FBN3: variants seen among roughly 807,000 people sequenced by gnomAD.
The protein encoded by FBN3 is fibrillin 3.
A neutral mutation model predicts 330.1 loss-of-function variants in FBN3; 234 were observed. That is an observed-to-expected ratio of 0.71 (90% confidence interval 0.64 to 0.79). The LOEUF (loss-of-function observed/expected upper bound fraction) is 0.79. Ranked by LOEUF, FBN3 falls within the 30% of genes least tolerant of loss-of-function variation. FBN3 has a pLI of 0.00. For synonymous variants in FBN3, 1,458 were observed against 1,517.3 expected (o/e 0.96, Z 0.91); for missense variants, 3,606 against 3,886.9 (o/e 0.93, Z 1.92).
At position 8,129,503 on chromosome 19, in the gene FBN3, A is replaced by G; in HGVS notation, c.2045-138T>C. ...ATAGCTCCAGCCCAGACCCGGCCTC[A>G]TTCTGCTCTAAACCGAGGTTTCTCA... On this transcript the variant is annotated intron_variant, in intron 16 of 63. Transcript: ENST00000600128. The surrounding 1 kb of genome is among the most constrained non-coding windows in gnomAD (Gnocchi z 4.5). The G allele has an allele frequency of 8.7e-7, 1 of 1,144,240 alleles. No individual in the cohort carries two copies. Among genetic ancestry groups the G allele is most frequent in the Non-Finnish European group, 1.2e-6 (1 of 813,096 alleles). The allele number at this position is 1,144,240 out of a possible 1,614,324, so 70.9% of individuals were successfully genotyped here. A position where few individuals can be genotyped will look rare whatever the true frequency, so the allele number is the denominator to read the frequency against.
intron 12 of FBN3, 42 bp downstream of exon 12, chr19:8,136,148 C>A: frequency 1.2e-6 from 2 of 1,612,010 alleles, no homozygotes; most frequent in Admixed American, 1.7e-5. Context: ...TGGGCCAGAA[C>A]CCCCAACAAC....
At position 8,109,488 on chromosome 19, in the gene FBN3, A is replaced by G; in HGVS notation, c.4457-100T>C. On this transcript the variant is annotated intron_variant, in intron 35 of 63. Coordinates refer to ENST00000600128, the MANE Select transcript of FBN3 (RefSeq NM_032447.5). This position sits in a 1 kb window ranked among gnomAD's most constrained non-coding sequence, Gnocchi z 5.2. ...ATTTCAACAGGTGACAAGGACAACC[A>G]CTCTTGCAGGAGACCAGCAGATGTC... 6.5e-7 allele frequency: 1 copy of G among 1,541,632 alleles called. No individual in the cohort carries two copies. Among genetic ancestry groups the G allele is most frequent in the Non-Finnish European group, 8.9e-7 (1 of 1,126,528 alleles).
intron 51 of FBN3, among the ~76,000 whole-genome samples, chr19:8,089,237 GTGAGTGAA>G (rs1321678002): frequency 2.6e-5 from 4 of 152,146 alleles, no homozygotes; most frequent in African/African-American, 7.2e-5. Context: ...GAGTAAATGA[GTGAGTGAA>G]TGAGTGAATG....
rs2082584209 is a variant in FBN3 at position 8,111,586 on chromosome 19, G to T, written c.4084+62C>A. 3 of 1,362,640 alleles carry T rather than the reference G, an allele frequency of 2.2e-6. No homozygotes were observed. In the African/African-American group the frequency reaches 4.3e-5, roughly 20 times the overall value. 84.4% of individuals were successfully genotyped at this position (1,362,640 alleles called of 1,614,324 possible). ...AGGTCGAGTGACCATGGCAGCCACC[G>T]TGAATTCAGCCCCCGTGGCTGTCCC... On this transcript the variant is annotated intron_variant, in intron 32 of 63. Coordinates refer to ENST00000600128, the MANE Select transcript of FBN3 (RefSeq NM_032447.5).
Position 8,129,961 on chromosome 19 carries a change from G to T in FBN3, c.2045-596C>A, listed in dbSNP as rs536966278. Among the ~76,000 whole-genome samples, 2 of 151,704 alleles carry T rather than the reference G, an allele frequency of 1.3e-5. No homozygotes were observed. The highest frequency in any genetic ancestry group is 4.8e-5 in the African/African-American group (2 of 41,304). ...CGCACAGGCTGGAGTGCAGTGGTGC[G>T]ATCTCGGCTCACTGCAACCTCCACC... On this transcript the variant is annotated intron_variant, in intron 16 of 63. Transcript: ENST00000600128. This position sits in a 1 kb window ranked among gnomAD's most constrained non-coding sequence, Gnocchi z 4.5.
chr19:8,139,393 G>T (rs551928572), intron 8 of FBN3, among the ~76,000 whole-genome samples: 9 of 152,186 alleles, frequency 5.9e-5, no homozygotes, highest in South Asian at 2.1e-4. Flanking sequence ...TATGGCCAAT[G>T]CTCGCTCAGT....
intron 8 of FBN3, 43 bp from the exon 9 acceptor site, chr19:8,138,607 G>T: frequency 1.3e-6 from 2 of 1,545,070 alleles, no homozygotes; most frequent in Non-Finnish European, 8.7e-7. Context: ...CAGGACATCA[G>T]TGACCAGACC....
chr19:8,135,936 G>GGGGGGGGGGGGGGCGCCCCC, intron 13 of FBN3, 25 bp downstream of exon 13: 3 of 668,776 alleles, frequency 4.5e-6, no homozygotes, highest in Non-Finnish European at 7.2e-6. Flanking sequence ...GGAAGCCCCT[G>GGGGGGGGGGGGGGCGCCCCC]CCCACCCGCC....
intron 62 of FBN3, 50 bp from the exon 63 acceptor site, chr19:8,072,248 A>G (rs749947578): frequency 6.8e-7 from 1 of 1,475,856 alleles, no homozygotes. Flanking sequence ...GGCTGATGGG[A>G]CCTCCCCAGC....
Position 8,121,914 on chromosome 19 carries a change from T to C in FBN3, c.3083-528A>G, listed in dbSNP as rs1236585142. On this transcript the variant is annotated intron_variant, in intron 24 of 63. Coordinates refer to ENST00000600128, the MANE Select transcript of FBN3 (RefSeq NM_032447.5). The surrounding 1 kb of genome is among the most constrained non-coding windows in gnomAD (Gnocchi z 4.5). ...ACAGGTGTGTGCCACCATGCCCGGC[T>C]AATTTTGTATTTTTAGTAGAGATGG... is the stretch of plus-strand genomic sequence containing the variant. Among the ~76,000 whole-genome samples the C allele has an allele frequency of 6.6e-6, 1 of 151,282 alleles. No homozygotes were observed. Among genetic ancestry groups the C allele is most frequent in the East Asian group, 2.0e-4 (1 of 5,068 alleles).
rs1289132631 is a variant in FBN3, at chr19:8,136,538, G to T, written c.1202-7C>A. ...TGGTTCAGGGTAGCAGTGCCTACGGGTGGGGCCGGCAGAGGCATCTGAGCA... is the reference window on the plus strand; with the variant it reads ...TGGTTCAGGGTAGCAGTGCCTACGGTTGGGGCCGGCAGAGGCATCTGAGCA... On this transcript the variant is annotated splice_polypyrimidine_tract_variant and splice_region_variant and intron_variant, in intron 10 of 63. Transcript: ENST00000600128. 3.7e-6 allele frequency: 6 copies of T among 1,613,780 alleles called. No homozygotes were observed. The highest frequency in any genetic ancestry group is 5.1e-6 in the Non-Finnish European group (6 of 1,179,852).
Position 8,123,518 on chromosome 19 carries a change from G to A in FBN3, c.3028C>T (p.His1010Tyr). ...GCGAAGCCCCCCGCACAGGCGCAGT[G>A]GAAGCTGCCCACCGTGTTTCTGCAG... Reference protein sequence around the residue: ...GTCRNTVGSFHCACAGGFALD... With the variant: ...GTCRNTVGSFYCACAGGFALD... The change falls in exon 24 of 64, where the codon CAC becomes TAC. Residue 1010 changes from histidine (H) to tyrosine (Y), a missense_variant. By Grantham distance (83) the His-to-Tyr change is moderately conservative (BLOSUM62 2). Transcript: ENST00000600128. 1.2e-6 allele frequency: 2 copies of A among 1,614,142 alleles called. No homozygotes were observed. Among genetic ancestry groups the A allele is most frequent in the South Asian group, 1.1e-5 (1 of 91,072 alleles).
In FBN3 at chr19:8,096,941, C is replaced by T. The variant is rs149549572; in HGVS notation, c.5353G>A (p.Gly1785Ser). 6.3e-4 allele frequency: 1,019 copies of T among 1,613,792 alleles called. 2 individuals carry two copies. The highest frequency in any genetic ancestry group is 6.1e-3 in the African/African-American group (460 of 75,022). Residue 1785 changes from glycine to serine, a missense_variant, in exon 43 of 64, where the codon GGT becomes AGT. By Grantham distance (56) the Gly-to-Ser change is moderately conservative. Coordinates refer to ENST00000600128, the MANE Select transcript of FBN3 (RefSeq NM_032447.5). The surrounding 1 kb of genome is among the most constrained non-coding windows in gnomAD (Gnocchi z 4.6). ...CGGGTGCACTTGCAGCGGTAGCTAC[C>T]GGGGATGTTGATGCAGTCAGCATTC... ...QQNADCINIP[G>S]SYRCKCTRGY...
intron 63 of FBN3, among the ~76,000 whole-genome samples, chr19:8,070,105 TG>T (rs2081480065): frequency 6.6e-6 from 1 of 152,104 alleles, no homozygotes; most frequent in Non-Finnish European, 1.5e-5. Context: ...TCAGTAACTA[TG>T]GGATAATATA....
Position 8,116,764 on chromosome 19 carries a change from C to T in FBN3, c.3622G>A (p.Asp1208Asn). ...DECEENPRVC[D>N]QGHCTNMPGG... ...GGCATGTTGGTGCAGTGGCCTTGGT[C>T]ACAAACGCGGGGGTTCTCTTCACAC... Residue 1208 changes from aspartate (D) to asparagine (N), a missense_variant, in exon 29 of 64, where the codon GAC becomes AAC. Asp to Asn is a conservative substitution (Grantham distance 23). Transcript: ENST00000600128. 1.2e-6 allele frequency: 2 copies of T among 1,614,066 alleles called. No individual in the cohort carries two copies. The highest frequency in any genetic ancestry group is 2.2e-5 in the East Asian group (1 of 44,882).
chr19:8,105,012 T>G (rs1760766856), intron 38 of FBN3, among the ~76,000 whole-genome samples: 1 of 151,986 alleles, frequency 6.6e-6, no homozygotes, highest in African/African-American at 2.4e-5. Context: ...TAGAGTGCAG[T>G]GGCCTCATCT....
chr19:8,086,020 GA>G (rs1358100509), intron 55 of FBN3, among the ~76,000 whole-genome samples, 179 bp downstream of exon 55: 7 of 147,574 alleles, frequency 4.7e-5, no homozygotes, highest in Admixed American at 2.7e-4. Context: ...CAGGCAGTGG[GA>G]GGGACAGGCA....
intron 57 of FBN3, among the ~76,000 whole-genome samples, 170 bp from the exon 58 acceptor site, chr19:8,081,650 G>A (rs184389286): frequency 2.0e-5 from 3 of 152,258 alleles, no homozygotes; most frequent in Non-Finnish European, 2.9e-5. Context: ...TGGTTTTGCA[G>A]GCCACACCAT....
chr19:8,100,715 T>C (rs2082309366), intron 41 of FBN3, among the ~76,000 whole-genome samples, 186 bp downstream of exon 41: 1 of 152,194 alleles, frequency 6.6e-6, no homozygotes, highest in South Asian at 2.1e-4. Flanking sequence ...AATAGTGTCA[T>C]TCTTTTTTTA....
Sources: gnomAD v4.1 joint callset for allele counts (sites outside exome capture counted in the v4.1 genomes callset) on GRCh38, gnomAD v4.1.1 for gene constraint, Gnocchi (gnomAD v3.1) non-coding constraint, MANE v1.5 for transcripts, NCBI Gene and HGNC (gene_info 2026-07-23, HGNC 2026-07-21) for gene names.